The following ALG11 variants were observed in gnomAD, a reference collection of about 807,000 sequenced individuals.
The protein encoded by ALG11 is GDP-Man:Man(3)GlcNAc(2)-PP-Dol alpha-1,2-mannosyltransferase.
ALG11 carries 26 observed loss-of-function variants against 38.8 expected under a neutral mutation model. The ratio of observed to expected loss-of-function variants is 0.67; its 90% CI spans 0.49 to 0.93. The LOEUF (loss-of-function observed/expected upper bound fraction) is 0.93, where lower values mean the gene tolerates loss of function less well. ALG11 is among the 40% of genes least tolerant of loss of function. The pLI is 0.00. For synonymous variants in ALG11, 199 were observed against 211.6 expected, an observed-to-expected ratio of 0.94 and a Z score of 0.52; for missense variants, 535 against 578.8, an observed-to-expected ratio of 0.92 and a Z score of 0.78.
chr13:52,019,550 A>T (rs1431885032), intron 2 of ALG11, among the ~76,000 whole-genome samples: 1 of 152,208 alleles, frequency 6.6e-6, no homozygotes, highest in Admixed American at 6.5e-5. Context: ...AAAGTAAAAA[A>T]TGAATTCCTT....
chr13:52,025,171 A>G (rs182193573), intron 3 of ALG11, among the ~76,000 whole-genome samples: 1 of 152,316 alleles, frequency 6.6e-6, no homozygotes, highest in East Asian at 1.9e-4. Flanking sequence ...TACATGTATT[A>G]TCTAATTTAA....
In ALG11 at chr13:52,012,600, CT is replaced by C; in HGVS notation, c.44+141del. 4.3e-6 allele frequency: 5 copies of C among 1,173,572 alleles called. No individual in the cohort carries two copies. In the South Asian group the frequency reaches 6.6e-5, roughly 16 times the overall value. 72.7% of individuals were successfully genotyped at this position (1,173,572 alleles called of 1,614,324 possible). On this transcript the variant is annotated intron_variant, in intron 1 of 3. Transcript: ENST00000521508. ...GTAATTTCTCAGGCCAATGAGCAGT[CT>C]TTCTTTTTCTTGGGGGTCTTCTATA...
chr13:52,017,428 C>T (rs1954143367), intron 1 of ALG11: 1 of 152,492 alleles, frequency 6.6e-6, no homozygotes, highest in Middle Eastern at 3.4e-3. Context: ...GCCATGTCCC[C>T]ACCCAAATCT....
In ALG11 at chr13:52,028,472, C is replaced by A. The variant is rs745722644; in HGVS notation, c.1361C>A (p.Ser454Tyr). Residue 454 changes from serine (S) to tyrosine (Y), a missense_variant, in exon 4 of 4, where the codon TCC becomes TAC. Transcript: ENST00000521508. ...GCTGAAACTATCGCTCACATTCTTT[C>A]CATGTCTGCAGAAAAGAGACTCCAA... ...DYAETIAHIL[S>Y]MSAEKRLQIR... 3 of 1,614,178 alleles carry A rather than the reference C, an allele frequency of 1.9e-6. No homozygotes were observed. Among genetic ancestry groups the A allele is most frequent in the Non-Finnish European group, 8.5e-7 (1 of 1,180,042 alleles).
chr13:52,020,035 C>G (rs1418448599), intron 2 of ALG11, among the ~76,000 whole-genome samples: 5 of 152,154 alleles, frequency 3.3e-5, no homozygotes, highest in African/African-American at 1.2e-4. Context: ...AGAGCATATA[C>G]AGAAGAGATT....
rs1954294532 is a variant in ALG11, at chr13:52,030,728, G to T, written c.*2138G>T. The T allele has an allele frequency of 6.2e-7, 1 of 1,614,112 alleles. No homozygotes were observed. The highest frequency in any genetic ancestry group is 1.3e-5 in the African/African-American group (1 of 74,928). On this transcript the variant is annotated 3_prime_UTR_variant, in exon 4 of 4. Transcript: ENST00000521508. ...GGGTGGTGTGGGCCTAAAGCCCAGT[G>T]CCAAGAAAAGACGCCAGTTTCTCAT... is the stretch of plus-strand genomic sequence containing the variant.
intron 3 of ALG11, among the ~76,000 whole-genome samples, chr13:52,026,289 G>A (rs909691057): frequency 8.5e-5 from 13 of 152,216 alleles, no homozygotes; most frequent in African/African-American, 3.1e-4. Flanking sequence ...TGTGACAGGA[G>A]TGACAACAGA....
Position 52,030,069 on chromosome 13 carries a change from T to C in ALG11, c.*1479T>C. 1.2e-6 allele frequency: 2 copies of C among 1,614,058 alleles called. No homozygotes were observed. Among genetic ancestry groups the C allele is most frequent in the Non-Finnish European group, 1.7e-6 (2 of 1,180,014 alleles). On this transcript the variant is annotated 3_prime_UTR_variant, in exon 4 of 4. Transcript: ENST00000521508. ...GAGGAAGAAATTTTGTTGAGAGAAT[T>C]TGAGGAAAGGCAATCCCTTAGAAAA...
Position 52,028,642 on chromosome 13 carries a change from C to G in ALG11, c.*52C>G, listed in dbSNP as rs755909478. The G allele has an allele frequency of 6.4e-7, 1 of 1,568,114 alleles. No homozygotes were observed. The highest frequency in any genetic ancestry group is 1.1e-5 in the South Asian group (1 of 88,756). On this transcript the variant is annotated 3_prime_UTR_variant, in exon 4 of 4. Transcript: ENST00000521508. ...TTTATATAAACTGGTTAAACACCTT[C>G]ATATGTAAATATTTTTCTAAATTCA...
Position 52,024,882 on chromosome 13 carries a change from T to A in ALG11, c.1152T>A (p.Tyr384Ter), listed in dbSNP as rs1219163776. The A allele has an allele frequency of 6.2e-7, 1 of 1,613,570 alleles. No individual in the cohort carries two copies. Among genetic ancestry groups the A allele is most frequent in the Non-Finnish European group, 8.5e-7 (1 of 1,180,032 alleles). The change falls in exon 3 of 4, where the codon TAT becomes TAA. Residue 384 changes from tyrosine (Y) to a stop codon, truncating the protein, a stop_gained. Transcript: ENST00000521508. LOFTEE classifies it high-confidence loss of function. ...TTCCATTTGATGAATTAAAGAATTA[T>A]TTGTCTGAAGCAACAATTGGTCTGC... ...INIPFDELKNYLSEATIGLHT... is the reference protein window; with the variant it reads ...INIPFDELKN
At chr13:52,028,280 A>C (rs1490497611) in intron 3 of ALG11, 39 bp from the exon 4 acceptor site, 1 of 1,613,680 alleles carries the variant, frequency 6.2e-7, no homozygotes, top group African/African-American at 1.3e-5. Context: ...ACACACTCAA[A>C]AACTTAAAAG....
At chr13:52,021,861 T>C (rs1954186797) in intron 2 of ALG11, 1 of 152,208 alleles carries the variant, frequency 6.6e-6, no homozygotes, top group African/African-American at 2.4e-5. Flanking sequence ...AATCTCGGGC[T>C]GGTTGGACTC....
At chr13:52,019,421 C>T (rs918417565) in intron 2 of ALG11, among the ~76,000 whole-genome samples, 1 of 151,954 alleles carries the variant, frequency 6.6e-6, no homozygotes, top group African/African-American at 2.4e-5. Flanking sequence ...CAGGGTTTCA[C>T]CATGTTAGCC....
chr13:52,012,558 C>G (rs1174555379), intron 1 of ALG11, 96 bp downstream of exon 1: 1 of 1,531,210 alleles, frequency 6.5e-7, no homozygotes, highest in Non-Finnish European at 9.0e-7. Flanking sequence ...AATGGCCTTC[C>G]TTGTCATGAA....
In ALG11 at chr13:52,031,854, A is replaced by C. The variant is rs1342507579; in HGVS notation, c.*3264A>C. ...CTCAGATTCTTCATCTGTAATCTGGAGTTGTTAATTCCAGTCCTTACTACC... is the reference window on the plus strand; with the variant it reads ...CTCAGATTCTTCATCTGTAATCTGGCGTTGTTAATTCCAGTCCTTACTACC... On this transcript the variant is annotated 3_prime_UTR_variant, in exon 4 of 4. Coordinates refer to ENST00000521508, the MANE Select transcript of ALG11 (RefSeq NM_001004127.3). The C allele has an allele frequency of 6.0e-6, 1 of 167,052 alleles. No individual in the cohort carries two copies. Among genetic ancestry groups the C allele is most frequent in the Non-Finnish European group, 1.5e-5 (1 of 68,124 alleles). The allele number at this position is 167,052 out of a possible 1,614,324, so 10.3% of individuals were successfully genotyped here.
Position 52,024,037 on chromosome 13 carries a change from G to A in ALG11, c.307G>A (p.Gly103Ser), listed in dbSNP as rs767997422. The A allele has an allele frequency of 1.4e-5, 23 of 1,613,804 alleles. No individual in the cohort carries two copies. Among genetic ancestry groups the A allele is most frequent in the African/African-American group, 2.7e-5 (2 of 74,840 alleles). Residue 103 changes from glycine to serine, a missense_variant, in exon 3 of 4, where the codon GGC (glycine) becomes AGC (serine). Coordinates refer to ENST00000521508, the MANE Select transcript of ALG11 (RefSeq NM_001004127.3). ...TGAAGCAGTTTATGTTGTTTATACC[G>A]GCGATGTTAATGTCAACGGTCAACA... Reference protein sequence around the residue: ...YPEAVYVVYTGDVNVNGQQIL... With the variant: ...YPEAVYVVYTSDVNVNGQQIL...
intron 1 of ALG11, among the ~76,000 whole-genome samples, chr13:52,015,062 A>G (rs1332518056): frequency 1.3e-5 from 2 of 152,198 alleles, no homozygotes; most frequent in African/African-American, 4.8e-5. Flanking sequence ...TGTTCACAAT[A>G]GGAAATCCCA....
intron 1 of ALG11, chr13:52,016,119 A>T (rs1032644518): frequency 6.6e-6 from 1 of 152,358 alleles, no homozygotes; most frequent in African/African-American, 2.4e-5. Flanking sequence ...AAGGTACTAG[A>T]GGCATTTTGC....
At chr13:52,015,136 C>T (rs1480163978) in intron 1 of ALG11, among the ~76,000 whole-genome samples, 1 of 152,226 alleles carries the variant, frequency 6.6e-6, no homozygotes, top group Non-Finnish European at 1.5e-5. Context: ...GGTGCAGCAG[C>T]TCATGCCTGT....
Sources: allele counts gnomAD v4.1 joint callset (sites outside exome capture counted in the v4.1 genomes callset), GRCh38; gene constraint gnomAD v4.1.1; transcripts MANE v1.5; gene names NCBI Gene and HGNC (gene_info 2026-07-23, HGNC 2026-07-21).